The following TOX3 variants were observed in gnomAD, a reference collection of about 807,000 sequenced individuals.
The protein encoded by TOX3 is TOX high mobility group box family member 3, also known as CAG trinucleotide repeat-containing gene F9 protein.
A neutral mutation model predicts 64.3 loss-of-function variants in TOX3; 22 were observed. The ratio of observed to expected loss-of-function variants is 0.34; its 90% confidence interval spans 0.24 to 0.49. The LOEUF (loss-of-function observed/expected upper bound fraction) is 0.49. Among genes scored for constraint, TOX3 ranks in the 20% least tolerant of loss-of-function variants. The pLI, the probability that TOX3 is intolerant of heterozygous loss-of-function variation, is 0.99. For synonymous variants in TOX3, 291 were observed against 273.6 expected, an observed-to-expected ratio of 1.06 and a Z score of -0.63; for missense variants, 661 against 714.4, an observed-to-expected ratio of 0.93 and a Z score of 0.85.
rs540903436 is a variant in TOX3, at chr16:52,461,780, G to C, written c.408+2154C>G. Reference sequence around the variant, plus strand: ...ATTATTTTTCTGGTGACTTTCCTAAGGGAAATCTCTGAGGAGGCTTCTGTG... The same window carrying C: ...ATTATTTTTCTGGTGACTTTCCTAACGGAAATCTCTGAGGAGGCTTCTGTG... On this transcript the variant is annotated intron_variant, in intron 3 of 6. Coordinates refer to ENST00000219746, the MANE Select transcript of TOX3 (RefSeq NM_001080430.4). 2.8e-4 allele frequency among the ~76,000 whole-genome samples: 43 copies of C among 152,206 alleles called. 1 individual carries two copies. In the South Asian group the frequency reaches 8.9e-3, roughly 32 times the overall value.
intron 1 of TOX3, among the ~76,000 whole-genome samples, chr16:52,529,218 T>C (rs1218318069): frequency 6.6e-6 from 1 of 152,234 alleles, no homozygotes; most frequent in East Asian, 1.9e-4. Flanking sequence ...GATTCTATAA[T>C]TCTAGGGGGA....
chr16:52,536,908 T>A (rs907462954), intron 1 of TOX3, among the ~76,000 whole-genome samples: 1 of 151,160 alleles, frequency 6.6e-6, no homozygotes, highest in Admixed American at 6.6e-5. Context: ...TTTACATATT[T>A]TATATATATA....
intron 1 of TOX3, among the ~76,000 whole-genome samples, chr16:52,471,896 T>C (rs1245022753): frequency 1.3e-5 from 2 of 152,184 alleles, no homozygotes; most frequent in African/African-American, 2.4e-5. Flanking sequence ...CCGAAGGTTA[T>C]AGATTCAACC....
intron 3 of TOX3, among the ~76,000 whole-genome samples, chr16:52,453,432 C>T (rs990131725): frequency 7.2e-5 from 11 of 152,110 alleles, no homozygotes; most frequent in Non-Finnish European, 1.3e-4. Flanking sequence ...GATCTGCCAG[C>T]CTCGGCCTCC....
intron 2 of TOX3, among the ~76,000 whole-genome samples, chr16:52,467,869 C>T (rs1171328353): frequency 6.6e-6 from 1 of 152,162 alleles, no homozygotes; most frequent in Non-Finnish European, 1.5e-5. Context: ...CAATGAGGTG[C>T]TGCATTTTGA....
intron 1 of TOX3, among the ~76,000 whole-genome samples, chr16:52,532,744 C>G (rs1962877727): frequency 6.6e-6 from 1 of 152,114 alleles, no homozygotes; most frequent in Non-Finnish European, 1.5e-5. Context: ...GGAGGATATT[C>G]CCAATTCCTA....
At position 52,546,857 on chromosome 16, in the gene TOX3, G is replaced by T. The variant is rs1295722073; in HGVS notation, c.-134C>A. 20 of 1,226,566 alleles carry T rather than the reference G, an allele frequency of 1.6e-5. No homozygotes were observed. The highest frequency in any genetic ancestry group is 1.9e-5 in the Non-Finnish European group (19 of 983,400). The allele number at this position is 1,226,566 out of a possible 1,614,324, so 76.0% of individuals were successfully genotyped here. ...TGGGACTCGCGGCCGGAGGGGCGCC[G>T]GGACCCAGAGCCCGAGGAGCTCGGG... On this transcript the variant is annotated 5_prime_UTR_variant, in exon 1 of 7. Coordinates refer to ENST00000219746, the MANE Select transcript of TOX3 (RefSeq NM_001080430.4).
intron 1 of TOX3, among the ~76,000 whole-genome samples, chr16:52,537,281 T>A (rs903263862): frequency 1.1e-4 from 17 of 151,918 alleles, no homozygotes; most frequent in Non-Finnish European, 2.2e-4. Flanking sequence ...GTCTCCACAG[T>A]TTGTTCTCAA....
intron 1 of TOX3, among the ~76,000 whole-genome samples, chr16:52,474,468 A>T (rs979266719): frequency 1.4e-4 from 21 of 152,038 alleles, no homozygotes; most frequent in Non-Finnish European, 2.9e-4. Flanking sequence ...CTAAAAAAAA[A>T]ATTATAGGCA....
intron 1 of TOX3, among the ~76,000 whole-genome samples, chr16:52,484,139 A>G (rs1204328342): frequency 6.6e-6 from 1 of 152,218 alleles, no homozygotes; most frequent in Non-Finnish European, 1.5e-5. Context: ...AAAGGAGCCT[A>G]AAGTTCATCA....
rs570576031 is a variant in TOX3 at position 52,509,652 on chromosome 16, C to T, written c.87+36985G>A. On this transcript the variant is annotated intron_variant, in intron 1 of 6. Coordinates refer to ENST00000219746, the MANE Select transcript of TOX3 (RefSeq NM_001080430.4). ...CAATTTCACACTTGCCAATCACACACGCCCACTCACAATTCCTCCAGATGA... is the reference window on the plus strand; with the variant it reads ...CAATTTCACACTTGCCAATCACACATGCCCACTCACAATTCCTCCAGATGA... Among the ~76,000 whole-genome samples the T allele has an allele frequency of 2.6e-5, 4 of 152,286 alleles. No individual in the cohort carries two copies. In the South Asian group the frequency reaches 6.2e-4, roughly 24 times the overall value.
At chr16:52,511,338 A>C (rs926618821) in intron 1 of TOX3, among the ~76,000 whole-genome samples, 3 of 151,970 alleles carry the variant, frequency 2.0e-5, no homozygotes, top group African/African-American at 7.2e-5. Flanking sequence ...CTAAAAATAC[A>C]AAAATTAGCT....
intron 4 of TOX3, among the ~76,000 whole-genome samples, chr16:52,449,566 C>G (rs1960271201): frequency 1.3e-5 from 2 of 152,190 alleles, no homozygotes; most frequent in Non-Finnish European, 2.9e-5. Flanking sequence ...GCTATTCATC[C>G]CCAAAGGGGA....
intron 1 of TOX3, among the ~76,000 whole-genome samples, chr16:52,506,313 G>T (rs1237846196): frequency 6.6e-6 from 1 of 152,158 alleles, no homozygotes; most frequent in Non-Finnish European, 1.5e-5. Context: ...ATAAAAAGGA[G>T]CATTTTCCCC....
intron 1 of TOX3, among the ~76,000 whole-genome samples, chr16:52,496,252 A>G (rs1469683620): frequency 6.6e-6 from 1 of 152,202 alleles, no homozygotes; most frequent in Non-Finnish European, 1.5e-5. Flanking sequence ...GCTTATATCA[A>G]GTTGACACTT....
At chr16:52,470,321 A>G (rs2151760462) in intron 1 of TOX3, among the ~76,000 whole-genome samples, 1 of 152,334 alleles carries the variant, frequency 6.6e-6, no homozygotes, top group Admixed American at 6.5e-5. Flanking sequence ...TCCGTGCACC[A>G]GTCCTGGCCC....
At chr16:52,468,606 T>A (rs773772014) in intron 1 of TOX3, 32 bp from the exon 2 acceptor site, 1 of 1,532,786 alleles carries the variant, frequency 6.5e-7, no homozygotes, top group Non-Finnish European at 9.0e-7. Flanking sequence ...TACGTTAATA[T>A]GCGGCATAAT....
chr16:52,437,357 A>G lies in TOX3; in HGVS notation c.*1868T>C, dbSNP rs1959779574. The G allele has an allele frequency of 6.6e-6, 1 of 152,258 alleles. No individual in the cohort carries two copies. The highest frequency in any genetic ancestry group is 2.4e-5 in the African/African-American group (1 of 41,462). The allele number at this position is 152,258 out of a possible 1,614,324, so 9.4% of individuals were successfully genotyped here. On this transcript the variant is annotated 3_prime_UTR_variant, in exon 7 of 7. Coordinates refer to ENST00000219746, the MANE Select transcript of TOX3 (RefSeq NM_001080430.4). ...AACAACTTTGAGGGATCCATATTCC[A>G]TTATTTTTGAATGTCTTGCACATAG...
chr16:52,546,002 T>C (rs892946249), intron 1 of TOX3, among the ~76,000 whole-genome samples: 1 of 151,820 alleles, frequency 6.6e-6, no homozygotes, highest in Non-Finnish European at 1.5e-5. Context: ...CCCAAAAAAA[T>C]GAGAGGAAAG....
Sources: allele counts gnomAD v4.1 joint callset (sites outside exome capture counted in the v4.1 genomes callset), GRCh38; gene constraint gnomAD v4.1.1; transcripts MANE v1.5; gene names NCBI Gene and HGNC (gene_info 2026-07-23, HGNC 2026-07-21).